Variants in SUPT5H observed in about 807,000 individuals in gnomAD.
The protein encoded by SUPT5H is transcription elongation factor SPT5.
SUPT5H carries 24 observed loss-of-function variants against 142.5 expected under a neutral mutation model. The observed-to-expected ratio is 0.17, with a 90% confidence interval of 0.12 to 0.24. The LOEUF (loss-of-function observed/expected upper bound fraction) is 0.24. SUPT5H is among the 10% of genes least tolerant of loss of function. The pLI, the probability that SUPT5H is intolerant of heterozygous loss-of-function variation, is 1.00. For missense variants in SUPT5H, 893 were observed against 1,471.8 expected, an observed-to-expected ratio of 0.61 and a Z score of 6.43; for synonymous variants, 546 against 553.0, an observed-to-expected ratio of 0.99 and a Z score of 0.18.
intron 11 of SUPT5H, among the ~76,000 whole-genome samples, chr19:39,465,846 T>C (rs917933134): frequency 5.3e-5 from 8 of 152,202 alleles, no homozygotes; most frequent in Non-Finnish European, 8.8e-5. Flanking sequence ...TAATACACGT[T>C]GAGTGTCTCT....
At chr19:39,465,158 CAG>C in intron 11 of SUPT5H, 109 bp downstream of exon 11, 1 of 1,449,992 alleles carries the variant, frequency 6.9e-7, no homozygotes, top group Non-Finnish European at 9.3e-7. Flanking sequence ...GAATCCCACT[CAG>C]ATGAGTTGAA....
Position 39,471,462 on chromosome 19 carries a change from C to T in SUPT5H, c.1783C>T (p.His595Tyr). 1 of 1,614,216 alleles carries T rather than the reference C, an allele frequency of 6.2e-7. No homozygotes were observed. Among genetic ancestry groups the T allele is most frequent in the Non-Finnish European group, 8.5e-7 (1 of 1,180,042 alleles). Residue 595 changes from histidine (H) to tyrosine (Y), a missense_variant, in exon 19 of 30, where the codon CAT (histidine) becomes TAT (tyrosine). Physicochemically the swap from His to Tyr is moderately conservative, Grantham distance 83 (BLOSUM62 2). Around this residue, in one of 6 missense-constraint regions of SUPT5H, gnomAD observed 428 missense variants for 763.5 expected, o/e 0.56. Transcript: ENST00000432763. Reference sequence around the variant, plus strand: ...CTTGGACTCAGAGCAGAACAACATCCATGTGAAAGACATCGTTAAGGTCAT... The same window carrying T: ...CTTGGACTCAGAGCAGAACAACATCTATGTGAAAGACATCGTTAAGGTCAT... ...VALDSEQNNI[H>Y]VKDIVKVIDG...
Position 39,445,921 on chromosome 19 carries a change from G to A in SUPT5H, c.31G>A (p.Glu11Lys). MSDSEDSNFS[E>K]EEDSERSSDG... ...GGACAGCGAGGACAGCAACTTTTCC[G>A]AGGAGGAGGACAGCGAGCGCAGCAG... is the stretch of plus-strand genomic sequence containing the variant. Residue 11 changes from glutamate (E) to lysine (K), a missense_variant, in exon 2 of 30, where the codon GAG becomes AAG. Transcript: ENST00000432763. 1 of 1,612,644 alleles carries A rather than the reference G, an allele frequency of 6.2e-7. No homozygotes were observed. Among genetic ancestry groups the A allele is most frequent in the Non-Finnish European group, 8.5e-7 (1 of 1,179,978 alleles).
rs371145303 is a variant in SUPT5H, at chr19:39,474,411, C to G, written c.2820+9C>G. The G allele has an allele frequency of 6.2e-7, 1 of 1,612,828 alleles. No homozygotes were observed. The highest frequency in any genetic ancestry group is 1.1e-5 in the South Asian group (1 of 91,020). ...CGCCCATGGCCTATCAGGTAATGGT[C>G]TGCCTGCCTGCCCTGAAGGGTGGTG... is the stretch of plus-strand genomic sequence containing the variant. On this transcript the variant is annotated intron_variant, in intron 27 of 29. Transcript: ENST00000432763. This position sits in a 1 kb window ranked among gnomAD's most constrained non-coding sequence, Gnocchi z 6.5.
intron 2 of SUPT5H, among the ~76,000 whole-genome samples, chr19:39,447,021 T>C (rs1372612677): frequency 6.6e-6 from 1 of 151,576 alleles, no homozygotes; most frequent in Non-Finnish European, 1.5e-5. Flanking sequence ...AAATATTAGC[T>C]GAGCTTGGTG....
rs1002219828 is a variant in SUPT5H, at chr19:39,473,844, G to A, written c.2493-119G>A. On this transcript the variant is annotated intron_variant, in intron 25 of 29. Transcript: ENST00000432763. The surrounding 1 kb of genome is among the most constrained non-coding windows in gnomAD (Gnocchi z 5.8). ...GGGAAATAACATCAGGAGTGCCTCT[G>A]GATGGGGCTCCCGTGAGAATGAAAT... The A allele has an allele frequency of 2.2e-6, 3 of 1,385,046 alleles. No individual in the cohort carries two copies. Among genetic ancestry groups the A allele is most frequent in the African/African-American group, 2.8e-5 (2 of 70,600 alleles). The allele number at this position is 1,385,046 out of a possible 1,614,324, so 85.8% of individuals were successfully genotyped here.
In SUPT5H at chr19:39,458,106, C is replaced by A; in HGVS notation, c.308-188C>A. ...GTGCGCCTCATACATTTCGGCTTCT[C>A]CCCAACCACCTGGTGCCTGGCCTTT... On this transcript the variant is annotated intron_variant, in intron 4 of 29. Transcript: ENST00000432763. This position sits in a 1 kb window ranked among gnomAD's most constrained non-coding sequence, Gnocchi z 4.2. The A allele has an allele frequency of 9.6e-7, 1 of 1,042,254 alleles. No homozygotes were observed. Among genetic ancestry groups the A allele is most frequent in the Non-Finnish European group, 1.4e-6 (1 of 734,448 alleles). 64.6% of individuals were successfully genotyped at this position (1,042,254 alleles called of 1,614,324 possible). A position where few individuals can be genotyped will look rare whatever the true frequency, so the allele number is the denominator to read the frequency against.
rs1375121729 is a variant in SUPT5H at position 39,474,666 on chromosome 19, C to T, written c.2972C>T (p.Thr991Ile). The T allele has an allele frequency of 1.2e-6, 2 of 1,614,130 alleles. No homozygotes were observed. Among genetic ancestry groups the T allele is most frequent in the South Asian group, 1.1e-5 (1 of 91,074 alleles). Residue 991 changes from threonine (T) to isoleucine (I), a missense_variant, in exon 28 of 30, where the codon ACC becomes ATC. Thr to Ile is a moderately conservative substitution (Grantham distance 89). Transcript: ENST00000432763. This position sits in a 1 kb window ranked among gnomAD's most constrained non-coding sequence, Gnocchi z 6.5. Reference sequence around the variant, plus strand: ...GACATTCAGGTGAAGGTGCGGGACACCTACCTGGATACACAGGTGGTGGGA... The same window carrying T: ...GACATTCAGGTGAAGGTGCGGGACATCTACCTGGATACACAGGTGGTGGGA... ...TTDIQVKVRDTYLDTQVVGQT... is the reference protein window; with the variant it reads ...TTDIQVKVRDIYLDTQVVGQT...
rs570146164 is a variant in SUPT5H at position 39,471,797 on chromosome 19, C to T, written c.1950+67C>T. 6.8e-5 allele frequency: 105 copies of T among 1,549,150 alleles called. No homozygotes were observed. In the African/African-American group the frequency reaches 1.4e-3, roughly 21 times the overall value. Reference sequence around the variant, plus strand: ...CTCAGCTCTCCAAGCCTCCTCTGGCCCCAGAAGTGATAAGATTGGGCTTGT... The same window carrying T: ...CTCAGCTCTCCAAGCCTCCTCTGGCTCCAGAAGTGATAAGATTGGGCTTGT... On this transcript the variant is annotated intron_variant, in intron 20 of 29. Transcript: ENST00000432763.
At chr19:39,450,558 G>A (rs1001337167) in intron 2 of SUPT5H, among the ~76,000 whole-genome samples, 3 of 152,228 alleles carry the variant, frequency 2.0e-5, no homozygotes, top group Non-Finnish European at 4.4e-5. Flanking sequence ...CCTGAATGGT[G>A]GGGAACGGGG....
At chr19:39,445,993 A>C in intron 2 of SUPT5H, 28 bp downstream of exon 2, 1 of 1,604,872 alleles carries the variant, frequency 6.2e-7, no homozygotes, top group Non-Finnish European at 8.5e-7. Context: ...TGGGGGAGAC[A>C]TTGCGTCTGG....
Position 39,470,171 on chromosome 19 carries a change from A to G in SUPT5H, c.1427A>G (p.Asp476Gly), listed in dbSNP as rs2079299520. 1.2e-6 allele frequency: 2 copies of G among 1,612,738 alleles called. No homozygotes were observed. The highest frequency in any genetic ancestry group is 1.7e-6 in the Non-Finnish European group (2 of 1,179,304). Residue 476 changes from aspartate to glycine, a missense_variant, in exon 17 of 30, where the codon GAC (aspartate) becomes GGC (glycine). Coordinates refer to ENST00000432763, the MANE Select transcript of SUPT5H (RefSeq NM_001111020.3). This position sits in a 1 kb window ranked among gnomAD's most constrained non-coding sequence, Gnocchi z 5.8. ...CTTAGAAAATACTTCAAGATGGGGG[A>G]CCACGTGAAGGTGATTGCTGGCCGA... ...QELRKYFKMG[D>G]HVKVIAGRFE...
Position 39,472,535 on chromosome 19 carries a change from G to A in SUPT5H, c.2035+42G>A. 1 of 1,605,778 alleles carries A rather than the reference G, an allele frequency of 6.2e-7. No individual in the cohort carries two copies. Among genetic ancestry groups the A allele is most frequent in the Non-Finnish European group, 8.5e-7 (1 of 1,173,350 alleles). On this transcript the variant is annotated intron_variant, in intron 21 of 29. Transcript: ENST00000432763. The surrounding 1 kb of genome is among the most constrained non-coding windows in gnomAD (Gnocchi z 4.2). Reference sequence around the variant, plus strand: ...GTCAGGGGATGTGGTGGGTAGAAGGGGCTGGAAGGAACTTGGTTGTTCAGC... The same window carrying A: ...GTCAGGGGATGTGGTGGGTAGAAGGAGCTGGAAGGAACTTGGTTGTTCAGC...
At position 39,473,391 on chromosome 19, in the gene SUPT5H, GAC is replaced by G. The variant is rs2079352896; in HGVS notation, c.2387-20_2387-19del. On this transcript the variant is annotated intron_variant, in intron 24 of 29. Transcript: ENST00000432763. This position sits in a 1 kb window ranked among gnomAD's most constrained non-coding sequence, Gnocchi z 5.8. ...GGGGACCTAGAGAAGGGACAGGACAGACACACTCATTTCCCCCATTCCAGGTA... is the reference window on the plus strand; with the variant it reads ...GGGGACCTAGAGAAGGGACAGGACAGACACTCATTTCCCCCATTCCAGGTA... 3 of 1,613,224 alleles carry G rather than the reference GAC, an allele frequency of 1.9e-6. No homozygotes were observed. The highest frequency in any genetic ancestry group is 4.5e-5 in the East Asian group (2 of 44,856).
Position 39,472,383 on chromosome 19 carries a change from C to G in SUPT5H, c.1951-26C>G. 1 of 1,611,962 alleles carries G rather than the reference C, an allele frequency of 6.2e-7. No homozygotes were observed. Among genetic ancestry groups the G allele is most frequent in the Non-Finnish European group, 8.5e-7 (1 of 1,178,288 alleles). ...TGTGGTTCCCCCATCCCCTGCCTGC[C>G]AGTTCACTCCTTGCTTCTATCCTAG... is the stretch of plus-strand genomic sequence containing the variant. On this transcript the variant is annotated intron_variant, in intron 20 of 29. Transcript: ENST00000432763. The surrounding 1 kb of genome is among the most constrained non-coding windows in gnomAD (Gnocchi z 4.2).
At chr19:39,469,000 C>T in intron 14 of SUPT5H, 79 bp from the exon 15 acceptor site, 1 of 1,565,524 alleles carries the variant, frequency 6.4e-7, no homozygotes, top group South Asian at 1.1e-5. Flanking sequence ...TCCCCTAGGA[C>T]CCACTCAGCC....
rs569593397 is a variant in SUPT5H at position 39,445,592 on chromosome 19, C to T, written c.-133C>T. The stretch of plus-strand genomic sequence containing the variant: ...GGACCCGTCAGCCCCAGTCAGGCGT[C>T]GTGCGAACAGCAGCTGGTACCGAAG... On this transcript the variant is annotated 5_prime_UTR_variant, in exon 1 of 30. Transcript: ENST00000432763. 9.8e-6 allele frequency: 4 copies of T among 407,118 alleles called. No homozygotes were observed. The highest frequency in any genetic ancestry group is 4.0e-5 in the African/African-American group (2 of 50,198). 25.2% of individuals were successfully genotyped at this position (407,118 alleles called of 1,614,324 possible). A position where few individuals can be genotyped will look rare whatever the true frequency, so the allele number is the denominator to read the frequency against.
chr19:39,466,856 T>G lies in SUPT5H; in HGVS notation c.1037+111T>G. Reference sequence around the variant, plus strand: ...CCCCGCCACAGGTTTAGCCTGTGAATTGGTTAGCTTGGCAGTATAGCCTCA... The same window carrying G: ...CCCCGCCACAGGTTTAGCCTGTGAAGTGGTTAGCTTGGCAGTATAGCCTCA... On this transcript the variant is annotated intron_variant, in intron 13 of 29. Coordinates refer to ENST00000432763, the MANE Select transcript of SUPT5H (RefSeq NM_001111020.3). This position sits in a 1 kb window ranked among gnomAD's most constrained non-coding sequence, Gnocchi z 4.3. 1.0e-6 allele frequency: 1 copy of G among 997,782 alleles called. No homozygotes were observed. The highest frequency in any genetic ancestry group is 2.4e-5 in the East Asian group (1 of 41,660). The allele number at this position is 997,782 out of a possible 1,614,324, so 61.8% of individuals were successfully genotyped here.
chr19:39,445,614 G>C lies in SUPT5H; in HGVS notation c.-111G>C. 2.2e-6 allele frequency: 1 copy of C among 447,332 alleles called. No homozygotes were observed. The allele number at this position is 447,332 out of a possible 1,614,324, so 27.7% of individuals were successfully genotyped here. On this transcript the variant is annotated 5_prime_UTR_variant, in exon 1 of 30. Transcript: ENST00000432763. ...CGTCGTGCGAACAGCAGCTGGTACC[G>C]AAGGCGGAGGTGGAGCCCGAGAGGT...
Sources: allele counts gnomAD v4.1 joint callset (sites outside exome capture counted in the v4.1 genomes callset), GRCh38; gene constraint gnomAD v4.1.1; regional missense constraint gnomAD v4.1.1; non-coding constraint Gnocchi (gnomAD v3.1); transcripts MANE v1.5; gene names NCBI Gene and HGNC (gene_info 2026-07-23, HGNC 2026-07-21).